The following PDE3A variants were observed in gnomAD, a reference collection of about 807,000 sequenced individuals.
PDE3A encodes the protein cGMP-inhibited 3',5'-cyclic phosphodiesterase 3A.
In PDE3A, 43 loss-of-function variants were observed where a neutral mutation model predicts 98.3. That is an observed-to-expected ratio of 0.44 (90% CI 0.34 to 0.56). The LOEUF (loss-of-function observed/expected upper bound fraction) is 0.56, where lower values mean the gene tolerates loss of function less well. PDE3A is among the 20% of genes least tolerant of loss of function. PDE3A has a pLI of 0.01. For synonymous variants in PDE3A, 663 were observed against 567.9 expected, an observed-to-expected ratio of 1.17 and a Z score of -2.38; for missense variants, 1,427 against 1,440.7, an observed-to-expected ratio of 0.99 and a Z score of 0.15.
intron 15 of PDE3A, among the ~76,000 whole-genome samples, chr12:20,661,537 G>T (rs557729256): frequency 3.9e-5 from 6 of 152,234 alleles, no homozygotes; most frequent in Middle Eastern, 3.4e-3. Flanking sequence ...TAATGGGCTG[G>T]GTTCAGGGTC....
intron 1 of PDE3A, among the ~76,000 whole-genome samples, chr12:20,406,148 G>A (rs1489605961): frequency 6.6e-6 from 1 of 152,162 alleles, no homozygotes; most frequent in African/African-American, 2.4e-5. Context: ...TGAACACTTA[G>A]GTTGTTTCAA....
chr12:20,369,509 G>T lies in PDE3A; in HGVS notation c.225G>T (p.Ala75=). The T allele has an allele frequency of 6.4e-7, 1 of 1,561,086 alleles. No individual in the cohort carries two copies. Among genetic ancestry groups the T allele is most frequent in the Non-Finnish European group, 8.7e-7 (1 of 1,152,544 alleles). The change falls in exon 1 of 16, where the codon GCG becomes GCT. Residue 75 remains alanine (A), a synonymous_variant. Coordinates refer to ENST00000359062, the MANE Select transcript of PDE3A (RefSeq NM_000921.5). ...CGGGCTCCCTGTCCTTTCTGCTGGC[G>T]CTGCTGGTGAGGCTGGTCCGCGGGG... is the stretch of plus-strand genomic sequence containing the variant. ...LCAGSLSFLL[A]LLVRLVRGEV...
intron 4 of PDE3A, among the ~76,000 whole-genome samples, chr12:20,619,935 G>A (rs1440484508): frequency 6.6e-6 from 1 of 151,954 alleles, no homozygotes; most frequent in East Asian, 1.9e-4. Context: ...ACCCATTGCC[G>A]AATTTACTAG....
At chr12:20,522,015 G>A (rs149748037) in intron 1 of PDE3A, among the ~76,000 whole-genome samples, 1 of 152,184 alleles carries the variant, frequency 6.6e-6, no homozygotes, top group African/African-American at 2.4e-5. Flanking sequence ...TCATTCCTCT[G>A]TATGGCCCAT....
At chr12:20,637,742 G>GCATAAC (rs1944552230) in intron 9 of PDE3A, among the ~76,000 whole-genome samples, 1 of 152,090 alleles carries the variant, frequency 6.6e-6, no homozygotes, top group Admixed American at 6.6e-5. Context: ...TACTGTTGCT[G>GCATAAC]CATAACCAGC....
At chr12:20,620,423 T>A (rs970139313) in intron 4 of PDE3A, among the ~76,000 whole-genome samples, 1 of 152,078 alleles carries the variant, frequency 6.6e-6, no homozygotes, top group Non-Finnish European at 1.5e-5. Context: ...TCCAAGATTG[T>A]CAACACAACT....
chr12:20,620,972 T>G (rs1388131634), intron 4 of PDE3A, among the ~76,000 whole-genome samples: 1 of 152,122 alleles, frequency 6.6e-6, no homozygotes, highest in Non-Finnish European at 1.5e-5. Context: ...TAAGCCTCTT[T>G]TAGAAAATCT....
intron 15 of PDE3A, among the ~76,000 whole-genome samples, chr12:20,654,423 G>T (rs79827329): frequency 6.6e-6 from 1 of 152,024 alleles, no homozygotes; most frequent in Non-Finnish European, 1.5e-5. Flanking sequence ...TATCTTCTCC[G>T]TCATGAAGTC....
intron 1 of PDE3A, among the ~76,000 whole-genome samples, chr12:20,475,169 ATGTGTGTGAGTGTGTGTGTG>A (rs1301974049): frequency 3.1e-4 from 30 of 96,406 alleles, no homozygotes; most frequent in East Asian, 1.1e-3. Flanking sequence ...AGAGGAAAAA[ATGTGTGTGAGTGTGTGTGTG>A]TGTGTGTGTG....
In PDE3A at chr12:20,688,215, C is replaced by T. The variant is rs897070564; in HGVS notation, c.*7944C>T. On this transcript the variant is annotated 3_prime_UTR_variant, in exon 16 of 16. Transcript: ENST00000359062. ...CAAGAGTGAGTCTTTTGAACTTCAT[C>T]ATTTTGCAATTGAAATAAATCTTGT... is the stretch of plus-strand genomic sequence containing the variant. 6.6e-6 allele frequency among the ~76,000 whole-genome samples: 1 copy of T among 151,884 alleles called. No homozygotes were observed. The highest frequency in any genetic ancestry group is 1.5e-5 in the Non-Finnish European group (1 of 67,928).
chr12:20,449,914 A>T (rs10841536), intron 1 of PDE3A: 546,258 of 783,212 alleles, frequency 0.7, 201,283 homozygotes, highest in Non-Finnish European at 0.75. Context: ...TTTGAATGGG[A>T]ACTCTGCTGG....
At chr12:20,409,472 G>GT (rs1944294920) in intron 1 of PDE3A, among the ~76,000 whole-genome samples, 1 of 152,168 alleles carries the variant, frequency 6.6e-6, no homozygotes, top group African/African-American at 2.4e-5. Context: ...TTGATACTAT[G>GT]TAGAGAGAAC....
At chr12:20,621,461 G>T (rs777721636) in intron 5 of PDE3A, 50 bp downstream of exon 5, 1 of 942,698 alleles carries the variant, frequency 1.1e-6, no homozygotes, top group East Asian at 2.4e-5. Flanking sequence ...TGGAGTTCTA[G>T]AGTAAACCAG....
At chr12:20,631,632 C>G (rs540789651) in intron 6 of PDE3A, among the ~76,000 whole-genome samples, 1 of 151,714 alleles carries the variant, frequency 6.6e-6, no homozygotes, top group Non-Finnish European at 1.5e-5. Flanking sequence ...GGAAATAAGT[C>G]CCCTAAAGAA....
chr12:20,569,417 G>A (rs1163743180), intron 2 of PDE3A, among the ~76,000 whole-genome samples: 1 of 151,932 alleles, frequency 6.6e-6, no homozygotes, highest in African/African-American at 2.4e-5. Context: ...GGGAATTAGG[G>A]TTACAATAGT....
chr12:20,510,868 C>G (rs1946209061), intron 1 of PDE3A, among the ~76,000 whole-genome samples: 1 of 152,084 alleles, frequency 6.6e-6, no homozygotes, highest in South Asian at 2.1e-4. Flanking sequence ...TATATGTCTT[C>G]TCCTTCATTC....
In PDE3A at chr12:20,637,085, T is replaced by C. The variant is rs747974477; in HGVS notation, c.2002-15T>C. ...ACTGCATGCTGTTTAAGTATTTTAA[T>C]GTTAAACATTACAGGACAAACCAAT... On this transcript the variant is annotated splice_polypyrimidine_tract_variant and intron_variant, in intron 8 of 15. Transcript: ENST00000359062. The C allele has an allele frequency of 9.6e-6, 15 of 1,558,134 alleles. No homozygotes were observed. Among genetic ancestry groups the C allele is most frequent in the Non-Finnish European group, 1.7e-6 (2 of 1,155,120 alleles).
intron 1 of PDE3A, among the ~76,000 whole-genome samples, chr12:20,510,973 C>CT (rs1343512307): frequency 2.6e-5 from 4 of 151,996 alleles, no homozygotes; most frequent in South Asian, 2.1e-4. Flanking sequence ...ACAGTGGAGT[C>CT]TATCAAACAA....
At chr12:20,629,254 C>A (rs1438108771) in intron 5 of PDE3A, among the ~76,000 whole-genome samples, 1 of 152,118 alleles carries the variant, frequency 6.6e-6, no homozygotes, top group African/African-American at 2.4e-5. Flanking sequence ...GGCCCAAATA[C>A]CCATACTTGA....
Sources: allele counts gnomAD v4.1 joint callset (sites outside exome capture counted in the v4.1 genomes callset), GRCh38; gene constraint gnomAD v4.1.1; transcripts MANE v1.5; gene names NCBI Gene and HGNC (gene_info 2026-07-23, HGNC 2026-07-21).